Variants in ATP9B observed in about 807,000 individuals in gnomAD.
ATP9B encodes the protein ATPase phospholipid transporting 9B.
ATP9B carries 110 observed loss-of-function variants against 146.1 expected under a neutral mutation model. That is an observed-to-expected ratio of 0.75 (90% confidence interval 0.65 to 0.88). The LOEUF (loss-of-function observed/expected upper bound fraction) is 0.88. Among genes scored for constraint, ATP9B ranks in the 40% least tolerant of loss-of-function variants. The pLI is 0.00. For synonymous variants in ATP9B, 604 were observed against 569.7 expected, an observed-to-expected ratio of 1.06 and a Z score of -0.86; for missense variants, 1,499 against 1,496.4, an observed-to-expected ratio of 1.00 and a Z score of -0.03.
chr18:79,210,323 G>A (rs1423644321), intron 10 of ATP9B, among the ~76,000 whole-genome samples: 1 of 152,222 alleles, frequency 6.6e-6, no homozygotes, highest in Admixed American at 6.5e-5. Flanking sequence ...AAAGTGTGAC[G>A]GGGCTGTCAG....
intron 29 of ATP9B, 108 bp downstream of exon 29, chr18:79,375,534 C>A (rs2097097819): frequency 3.3e-6 from 5 of 1,517,660 alleles, no homozygotes; most frequent in Non-Finnish European, 8.9e-7. Flanking sequence ...TTCAGTGTTC[C>A]TCAGGAACTC....
intron 15 of ATP9B, among the ~76,000 whole-genome samples, chr18:79,327,722 TGCTCGCCGTGGTTAGC>T (rs2096763002): frequency 8.1e-6 from 1 of 123,180 alleles, no homozygotes; most frequent in African/African-American, 3.2e-5. Context: ...ATGGTTAGCG[TGCTCGCCGTGGTTAGC>T]GTGCTCTCCG....
At chr18:79,363,057 C>CT (rs747230003) in intron 26 of ATP9B, 3 of 151,838 alleles carry the variant, frequency 2.0e-5, no homozygotes, top group African/African-American at 4.8e-5. Context: ...AAAAATATCT[C>CT]TGTTTGTGGA....
intron 13 of ATP9B, among the ~76,000 whole-genome samples, chr18:79,301,951 G>T (rs117720981): frequency 0.018 from 2,750 of 152,316 alleles, 38 homozygotes; most frequent in Middle Eastern, 0.034. Context: ...TGAGCCAGCT[G>T]ACCTCTTGAG....
intron 26 of ATP9B, among the ~76,000 whole-genome samples, chr18:79,369,551 AAAATC>A (rs2097057315): frequency 6.6e-6 from 1 of 151,356 alleles, no homozygotes; most frequent in South Asian, 2.1e-4. Flanking sequence ...AAAAAAAAAA[AAAATC>A]AGAGAACGTA....
In ATP9B at chr18:79,103,462, A is replaced by C. The variant is rs182849877; in HGVS notation, c.293+6813A>C. Among the ~76,000 whole-genome samples the C allele has an allele frequency of 1.8e-3, 269 of 152,224 alleles. 4 individuals are homozygous for C. Among genetic ancestry groups the C allele is most frequent in the African/African-American group, 6.0e-3 (251 of 41,542 alleles). ...GATGTTCTTGAAAAGGTTGGGAGAC[A>C]TGTGGTATACCTCTGTGAAGAATAA... On this transcript the variant is annotated intron_variant, in intron 2 of 29. Transcript: ENST00000426216.
intron 13 of ATP9B, among the ~76,000 whole-genome samples, chr18:79,292,520 G>T (rs954222051): frequency 1.3e-5 from 2 of 152,142 alleles, no homozygotes; most frequent in Non-Finnish European, 2.9e-5. Flanking sequence ...TATAGGTTCT[G>T]TGTAATACCT....
At chr18:79,258,980 GC>G (rs1004636796) in intron 12 of ATP9B, among the ~76,000 whole-genome samples, 2 of 152,204 alleles carry the variant, frequency 1.3e-5, no homozygotes, top group African/African-American at 4.8e-5. Context: ...TGCTAAATAT[GC>G]TTTTGGATTG....
intron 4 of ATP9B, among the ~76,000 whole-genome samples, chr18:79,122,348 AT>A (rs1309717857): frequency 6.6e-6 from 1 of 152,142 alleles, no homozygotes; most frequent in Non-Finnish European, 1.5e-5. Flanking sequence ...AGACAAGTAT[AT>A]TTCTTGGATT....
chr18:79,372,915 G>C, intron 27 of ATP9B, 33 bp downstream of exon 27: 1 of 1,487,600 alleles, frequency 6.7e-7, no homozygotes, highest in Non-Finnish European at 9.3e-7. Flanking sequence ...CTGGACTAAA[G>C]ATTTTTTTAT....
intron 8 of ATP9B, among the ~76,000 whole-genome samples, chr18:79,180,545 GT>G (rs1006817114): frequency 5.3e-5 from 8 of 150,828 alleles, no homozygotes; most frequent in East Asian, 1.9e-4. Context: ...GTGCATTACT[GT>G]TTTTTTTTGT....
intron 1 of ATP9B, among the ~76,000 whole-genome samples, chr18:79,072,099 A>T (rs2071921958): frequency 6.7e-6 from 1 of 149,842 alleles, no homozygotes; most frequent in Admixed American, 6.6e-5. Flanking sequence ...TGTGTTGTTC[A>T]GATTGTGTAA....
chr18:79,223,629 C>G (rs971899346), intron 11 of ATP9B, among the ~76,000 whole-genome samples: 1 of 152,172 alleles, frequency 6.6e-6, no homozygotes, highest in African/African-American at 2.4e-5. Context: ...CCCACCATGA[C>G]ATAATTCTGT....
chr18:79,322,020 C>T (rs2096718900), intron 15 of ATP9B, among the ~76,000 whole-genome samples: 3 of 152,236 alleles, frequency 2.0e-5, no homozygotes, highest in Admixed American at 2.0e-4. Flanking sequence ...TAGAGCTACA[C>T]CCTCACTTCC....
chr18:79,361,752 C>T (rs956356041), intron 26 of ATP9B: 2 of 985,146 alleles, frequency 2.0e-6, no homozygotes, highest in Admixed American at 6.1e-5. Flanking sequence ...GCCAAGGTAG[C>T]ACAGACTGCA....
chr18:79,154,049 C>T (rs113393392), intron 6 of ATP9B, among the ~76,000 whole-genome samples: 9,059 of 151,208 alleles, frequency 0.06, 361 homozygotes, highest in Non-Finnish European at 0.092. Flanking sequence ...AGCTCTGCCT[C>T]CCGGGTTCAC....
At chr18:79,323,088 T>C (rs1477137439) in intron 15 of ATP9B, among the ~76,000 whole-genome samples, 1 of 152,218 alleles carries the variant, frequency 6.6e-6, no homozygotes, top group Non-Finnish European at 1.5e-5. Flanking sequence ...CATTTATCGT[T>C]GCTTCGCGTT....
At chr18:79,153,073 T>C (rs1052360686) in intron 6 of ATP9B, among the ~76,000 whole-genome samples, 3 of 152,180 alleles carry the variant, frequency 2.0e-5, no homozygotes, top group Non-Finnish European at 4.4e-5. Flanking sequence ...TTTCCCCTAG[T>C]GTTAGAAAGA....
intron 13 of ATP9B, among the ~76,000 whole-genome samples, chr18:79,290,697 T>C (rs2096494470): frequency 6.6e-6 from 1 of 152,194 alleles, no homozygotes; most frequent in Non-Finnish European, 1.5e-5. Flanking sequence ...AAATCACCCA[T>C]CTTCTGCCTT....
Sources: allele counts gnomAD v4.1 joint callset (sites outside exome capture counted in the v4.1 genomes callset), GRCh38; gene constraint gnomAD v4.1.1; transcripts MANE v1.5; gene names NCBI Gene and HGNC (gene_info 2026-07-23, HGNC 2026-07-21).